The following ZRANB2 variants were observed in gnomAD, a reference collection of about 807,000 sequenced individuals.
ZRANB2 encodes zinc finger RANBP2-type containing 2.
In ZRANB2, 19 loss-of-function variants were observed where a neutral mutation model predicts 53.4. The observed-to-expected ratio is 0.36, with a 90% CI of 0.25 to 0.52. ZRANB2 has a LOEUF of 0.52. ZRANB2 is among the 20% of genes least tolerant of loss of function. ZRANB2 has a pLI of 0.93. For synonymous variants in ZRANB2, 145 were observed against 134.8 expected (o/e 1.08, Z -0.52); for missense variants, 309 against 401.1 (o/e 0.77, Z 1.96).
At chr1:71,069,132 A>G in intron 8 of ZRANB2, 144 bp downstream of exon 8, 1 of 574,364 alleles carries the variant, frequency 1.7e-6, no homozygotes, top group Non-Finnish European at 3.0e-6. Flanking sequence ...TGAGAAAATT[A>G]AGCTGAGGCA....
intron 1 of ZRANB2, among the ~76,000 whole-genome samples, chr1:71,080,186 T>C (rs540955456): frequency 8.5e-5 from 13 of 152,218 alleles, no homozygotes; most frequent in African/African-American, 3.1e-4. Context: ...TATTTCCGAA[T>C]AGATACACCT....
At chr1:71,073,524 A>AT (rs1661638321) in intron 4 of ZRANB2, among the ~76,000 whole-genome samples, 2 of 152,010 alleles carry the variant, frequency 1.3e-5, no homozygotes, top group African/African-American at 2.4e-5. Context: ...TTAAAAAAAT[A>AT]TTTTTAAAAT....
intron 4 of ZRANB2, among the ~76,000 whole-genome samples, chr1:71,073,698 G>A (rs1661643531): frequency 6.6e-6 from 1 of 151,832 alleles, no homozygotes; most frequent in South Asian, 2.1e-4. Flanking sequence ...AAAGTAATAT[G>A]ACAAATATGG....
At chr1:71,072,049 C>G in intron 6 of ZRANB2, 72 bp downstream of exon 6, 1 of 1,540,288 alleles carries the variant, frequency 6.5e-7, no homozygotes, top group Non-Finnish European at 8.7e-7. Flanking sequence ...GTGTCTGAGG[C>G]TGTCAAAAGC....
chr1:71,074,460 A>G (rs1275045226), intron 4 of ZRANB2, among the ~76,000 whole-genome samples: 2 of 152,150 alleles, frequency 1.3e-5, no homozygotes, highest in Non-Finnish European at 2.9e-5. Context: ...AGATTGTGAC[A>G]ATGGAAAAAA....
At chr1:71,078,219 G>C (rs1215611255) in intron 3 of ZRANB2, among the ~76,000 whole-genome samples, 1 of 152,092 alleles carries the variant, frequency 6.6e-6, no homozygotes, top group African/African-American at 2.4e-5. Flanking sequence ...CTTACCATAA[G>C]CATTTGTTTA....
In ZRANB2 at chr1:71,078,490, C is replaced by G; in HGVS notation, c.185G>C (p.Gly62Ala). Residue 62 changes from glycine (G) to alanine (A), a missense_variant, in exon 3 of 10, where the codon GGC (glycine) becomes GCC (alanine). Transcript: ENST00000370920. ...TTGCCAGTCATTAGCACTAAATAGG[C>G]CTCGGCTCTTTTCTGCAAGTGTCTT... is the stretch of plus-strand genomic sequence containing the variant. ...IGKTLAEKSR[G>A]LFSANDWQCK... The G allele has an allele frequency of 6.2e-7, 1 of 1,614,010 alleles. No homozygotes were observed. The highest frequency in any genetic ancestry group is 2.2e-5 in the East Asian group (1 of 44,854).
At chr1:71,076,735 T>C in intron 4 of ZRANB2, 60 bp downstream of exon 4, 1 of 1,233,566 alleles carries the variant, frequency 8.1e-7, no homozygotes, top group Non-Finnish European at 1.2e-6. Context: ...GATACAATTA[T>C]CGTTTCAATA....
chr1:71,064,183 C>T lies in ZRANB2; in HGVS notation c.*891G>A, dbSNP rs925598621. On this transcript the variant is annotated 3_prime_UTR_variant, in exon 10 of 10. Coordinates refer to ENST00000370920, the MANE Select transcript of ZRANB2 (RefSeq NM_203350.3). ...GTTAACATCTTGAGGCAAATGTTCA[C>T]TTAAATTCACAATGTCTCCATTGGC... 10 of 152,376 alleles carry T rather than the reference C, an allele frequency of 6.6e-5. No homozygotes were observed. Among genetic ancestry groups the T allele is most frequent in the African/African-American group, 2.4e-4 (10 of 41,420 alleles). 9.4% of individuals were successfully genotyped at this position (152,376 alleles called of 1,614,324 possible). A position where few individuals can be genotyped will look rare whatever the true frequency, so the allele number is the denominator to read the frequency against.
chr1:71,073,769 A>G (rs1396960056), intron 4 of ZRANB2, among the ~76,000 whole-genome samples: 3 of 152,118 alleles, frequency 2.0e-5, no homozygotes, highest in Non-Finnish European at 2.9e-5. Flanking sequence ...TAATTTTTCA[A>G]AAGTATGTAA....
intron 8 of ZRANB2, among the ~76,000 whole-genome samples, chr1:71,068,364 C>A (rs185499437): frequency 3.2e-4 from 48 of 152,170 alleles, no homozygotes; most frequent in Middle Eastern, 3.4e-3. Context: ...TTTTAGATGC[C>A]TTTAGGTCAT....
rs898135772 is a variant in ZRANB2 at position 71,063,449 on chromosome 1, A to C, written c.*1625T>G. The stretch of plus-strand genomic sequence containing the variant: ...ATCATAATCATCAGAATTGTCTGTA[A>C]ACTACTATTAGCTAAATTATAACCT... On this transcript the variant is annotated 3_prime_UTR_variant, in exon 10 of 10. Coordinates refer to ENST00000370920, the MANE Select transcript of ZRANB2 (RefSeq NM_203350.3). 1 of 152,432 alleles carries C rather than the reference A, an allele frequency of 6.6e-6. No homozygotes were observed. Among genetic ancestry groups the C allele is most frequent in the Non-Finnish European group, 1.5e-5 (1 of 67,896 alleles). The allele number at this position is 152,432 out of a possible 1,614,324, so 9.4% of individuals were successfully genotyped here.
Position 71,063,518 on chromosome 1 carries a change from A to G in ZRANB2, c.*1556T>C, listed in dbSNP as rs1661352063. 1 of 152,460 alleles carries G rather than the reference A, an allele frequency of 6.6e-6. No individual in the cohort carries two copies. Among genetic ancestry groups the G allele is most frequent in the Non-Finnish European group, 1.5e-5 (1 of 67,902 alleles). The allele number at this position is 152,460 out of a possible 1,614,324, so 9.4% of individuals were successfully genotyped here. On this transcript the variant is annotated 3_prime_UTR_variant, in exon 10 of 10. Coordinates refer to ENST00000370920, the MANE Select transcript of ZRANB2 (RefSeq NM_203350.3). ...CCAAAGTTTTAAATACAGAAAGCACAAGAATAAACCAATGGTAACATGTAG... is the reference window on the plus strand; with the variant it reads ...CCAAAGTTTTAAATACAGAAAGCACGAGAATAAACCAATGGTAACATGTAG...
At chr1:71,065,838 G>T (rs753095319) in intron 9 of ZRANB2, 104 of 1,574,594 alleles carry the variant, frequency 6.6e-5, no homozygotes, top group Non-Finnish European at 8.6e-5. Flanking sequence ...ATTTGCAGAA[G>T]TGGTAAGAAA....
chr1:71,072,396 T>C (rs547175115), intron 5 of ZRANB2, 76 bp downstream of exon 5: 1 of 1,486,514 alleles, frequency 6.7e-7, no homozygotes, highest in Non-Finnish European at 9.1e-7. Flanking sequence ...AAAAAAAAGT[T>C]TGTTTTCCTT....
Position 71,064,069 on chromosome 1 carries a change from A to G in ZRANB2, c.*1005T>C, listed in dbSNP as rs1025649152. 6.6e-6 allele frequency: 1 copy of G among 152,482 alleles called. No individual in the cohort carries two copies. The allele number at this position is 152,482 out of a possible 1,614,324, so 9.4% of individuals were successfully genotyped here. Reference sequence around the variant, plus strand: ...TTTAAGCCATAACTTATTTCAAATGAATAGGAAAAATAATGACTTTTGCTT... The same window carrying G: ...TTTAAGCCATAACTTATTTCAAATGGATAGGAAAAATAATGACTTTTGCTT... On this transcript the variant is annotated 3_prime_UTR_variant, in exon 10 of 10. Transcript: ENST00000370920.
intron 3 of ZRANB2, among the ~76,000 whole-genome samples, chr1:71,078,167 C>T (rs1661750975): frequency 1.3e-5 from 2 of 152,092 alleles, no homozygotes; most frequent in Non-Finnish European, 2.9e-5. Flanking sequence ...AGTAATAGGC[C>T]TTAGTACTTT....
chr1:71,069,924 A>T (rs1409477249), intron 7 of ZRANB2, among the ~76,000 whole-genome samples: 2 of 152,138 alleles, frequency 1.3e-5, no homozygotes, highest in Admixed American at 6.5e-5. Flanking sequence ...GTTCGTACAA[A>T]TTTTAAAACT....
At chr1:71,075,336 G>A (rs898405663) in intron 4 of ZRANB2, among the ~76,000 whole-genome samples, 2 of 152,150 alleles carry the variant, frequency 1.3e-5, no homozygotes, top group African/African-American at 4.8e-5. Context: ...TCCAGCTTAT[G>A]TAATAAATGT....
Sources: gnomAD v4.1 joint callset for allele counts (sites outside exome capture counted in the v4.1 genomes callset) on GRCh38, gnomAD v4.1.1 for gene constraint, MANE v1.5 for transcripts, NCBI Gene and HGNC (gene_info 2026-07-23, HGNC 2026-07-21) for gene names.